Variants in TRPC5 observed in about 807,000 individuals in gnomAD.
TRPC5 encodes the protein transient receptor potential cation channel subfamily C member 5, also known as short transient receptor potential channel 5.
In TRPC5, 9 loss-of-function variants were observed where a neutral mutation model predicts 56.5. The observed-to-expected ratio is 0.16, with a 90% CI of 0.10 to 0.28. TRPC5 has a LOEUF of 0.28. TRPC5 is among the 10% of genes least tolerant of loss of function. The probability of loss-of-function intolerance (pLI) is 1.00; values close to 1 mark genes in which losing one functional copy is unlikely to be tolerated. For synonymous variants in TRPC5, 282 were observed against 278.5 expected (o/e 1.01, Z -0.13); for missense variants, 469 against 748.9 (o/e 0.63, Z 4.36).
chrX:111,944,303 T>TGTGAAAGAGA (rs1173179815), intron 2 of TRPC5, among the ~76,000 whole-genome samples: 18 of 61,389 alleles, frequency 2.9e-4, no homozygotes, highest in African/African-American at 1.9e-3. Context: ...TGTGTGTGTG[T>TGTGAAAGAGA]GAGAGAGAGA....
At chrX:112,026,565 G>A (rs766687588) in intron 1 of TRPC5, among the ~76,000 whole-genome samples, 43 of 111,898 alleles carry the variant, frequency 3.8e-4, no homozygotes, top group Non-Finnish European at 7.3e-4. Flanking sequence ...GCAAAGAAAT[G>A]CCCTAGACTC....
At chrX:111,788,481 G>A (rs922291999) in intron 7 of TRPC5, among the ~76,000 whole-genome samples, 7 of 112,062 alleles carry the variant, frequency 6.2e-5, no homozygotes, top group African/African-American at 2.3e-4. Context: ...AAAACTGGAA[G>A]CATTCCCTTT....
chrX:112,017,256 G>A (rs994197025), intron 1 of TRPC5, among the ~76,000 whole-genome samples: 3 of 110,979 alleles, frequency 2.7e-5, no homozygotes, highest in Non-Finnish European at 5.7e-5. Context: ...CTCGTGATCC[G>A]CCCGCCTTGG....
At chrX:112,069,139 C>T (rs1930656806) in intron 1 of TRPC5, among the ~76,000 whole-genome samples, 1 of 111,686 alleles carries the variant, frequency 9.0e-6, no homozygotes, top group African/African-American at 3.3e-5. Flanking sequence ...TTTAATCCTC[C>T]CAACAACTCT....
At chrX:111,994,304 A>G (rs1928454711) in intron 1 of TRPC5, among the ~76,000 whole-genome samples, 1 of 111,708 alleles carries the variant, frequency 9.0e-6, no homozygotes, top group South Asian at 3.8e-4. Flanking sequence ...TGGATACCGT[A>G]GCCTTGTAGT....
intron 3 of TRPC5, among the ~76,000 whole-genome samples, chrX:111,870,167 T>G (rs143418558): frequency 8.9e-6 from 1 of 111,918 alleles, no homozygotes; most frequent in Non-Finnish European, 1.9e-5. Flanking sequence ...AGCCCAGTGC[T>G]GGGAGGATGC....
Position 111,787,717 on chromosome X carries a change from A to G in TRPC5, c.1897-5579T>C, listed in dbSNP as rs149790038. Among the ~76,000 whole-genome samples the G allele has an allele frequency of 7.0e-3, 778 of 111,724 alleles. 4 individuals are homozygous for G. Among genetic ancestry groups the G allele is most frequent in the African/African-American group, 0.024 (744 of 30,741 alleles). ...AAGAATCAAATCGATGCAATAAAAA[A>G]CGATAAAGGGGATATCACCACTGGT... is the stretch of plus-strand genomic sequence containing the variant. On this transcript the variant is annotated intron_variant, in intron 7 of 10. Coordinates refer to ENST00000262839, the MANE Select transcript of TRPC5 (RefSeq NM_012471.3).
chrX:111,992,731 T>G (rs939476983), intron 1 of TRPC5, among the ~76,000 whole-genome samples: 9 of 108,734 alleles, frequency 8.3e-5, no homozygotes, highest in African/African-American at 3.0e-4. Flanking sequence ...GCCTCGTGAG[T>G]AGCTGGGATT....
At chrX:111,941,832 A>G (rs989786628) in intron 2 of TRPC5, among the ~76,000 whole-genome samples, 2 of 112,193 alleles carry the variant, frequency 1.8e-5, no homozygotes, top group Non-Finnish European at 3.8e-5. Flanking sequence ...CTCCTCTGGA[A>G]CAATGCAGCC....
At chrX:112,081,108 C>A (rs1037606009) in intron 1 of TRPC5, among the ~76,000 whole-genome samples, 1 of 112,075 alleles carries the variant, frequency 8.9e-6, no homozygotes, top group East Asian at 2.8e-4. Flanking sequence ...TACATGACTG[C>A]GATCCAAAGA....
intron 1 of TRPC5, among the ~76,000 whole-genome samples, chrX:111,987,900 T>C (rs770852888): frequency 1.8e-5 from 2 of 112,402 alleles, no homozygotes; most frequent in Non-Finnish European, 3.8e-5. Flanking sequence ...GCACTCTACT[T>C]TACTCATTCT....
chrX:111,983,994 T>C (rs764250011), intron 1 of TRPC5, among the ~76,000 whole-genome samples: 4 of 111,463 alleles, frequency 3.6e-5, no homozygotes, highest in Non-Finnish European at 5.6e-5. Flanking sequence ...TCACTTTTAT[T>C]TGATGATGAA....
intron 1 of TRPC5, among the ~76,000 whole-genome samples, chrX:112,033,428 A>G (rs1929640793): frequency 1.9e-5 from 2 of 106,140 alleles, no homozygotes; most frequent in Non-Finnish European, 3.9e-5. Context: ...TATTCTGCAT[A>G]CCAGATCCTT....
chrX:112,011,921 C>G (rs1314934777), intron 1 of TRPC5, among the ~76,000 whole-genome samples: 2 of 111,396 alleles, frequency 1.8e-5, no homozygotes, highest in Non-Finnish European at 3.8e-5. Flanking sequence ...TATGACAAAG[C>G]TTATAAATTA....
intron 7 of TRPC5, among the ~76,000 whole-genome samples, chrX:111,827,016 G>T (rs1015214686): frequency 1.8e-5 from 2 of 111,869 alleles, no homozygotes; most frequent in Non-Finnish European, 3.8e-5. Context: ...GTGTCAACAT[G>T]ATAGTGTAGA....
At chrX:111,968,799 G>T (rs1392030778) in intron 1 of TRPC5, among the ~76,000 whole-genome samples, 1 of 81,296 alleles carries the variant, frequency 1.2e-5, no homozygotes, top group Non-Finnish European at 2.2e-5. Flanking sequence ...CACAGGAAGG[G>T]AAACATCACA....
intron 9 of TRPC5, among the ~76,000 whole-genome samples, 177 bp from the exon 10 acceptor site, chrX:111,779,251 C>T (rs925504956): frequency 2.7e-5 from 3 of 111,708 alleles, no homozygotes; most frequent in African/African-American, 9.8e-5. Flanking sequence ...ACTATTGTGT[C>T]TCTGAATTTA....
rs191720790 is a variant in TRPC5 at position 111,900,898 on chromosome X, A to G, written c.900+11393T>C. ...TATTGAGCCAATATCTAGATTTTCA[A>G]ACAAATAATATTGCCTTACACAAAT... is the stretch of plus-strand genomic sequence containing the variant. On this transcript the variant is annotated intron_variant, in intron 3 of 10. Coordinates refer to ENST00000262839, the MANE Select transcript of TRPC5 (RefSeq NM_012471.3). 3.4e-3 allele frequency among the ~76,000 whole-genome samples: 382 copies of G among 111,863 alleles called. 2 individuals are homozygous for G. Among genetic ancestry groups the G allele is most frequent in the African/African-American group, 0.012 (373 of 30,868 alleles).
At chrX:112,054,783 C>T (rs187686725) in intron 1 of TRPC5, among the ~76,000 whole-genome samples, 114 of 111,583 alleles carry the variant, frequency 1.0e-3, no homozygotes, top group African/African-American at 3.5e-3. Flanking sequence ...CCCTCTCTCT[C>T]CATCTCCTTG....
Sources: allele counts gnomAD v4.1 joint callset (sites outside exome capture counted in the v4.1 genomes callset), GRCh38; gene constraint gnomAD v4.1.1; transcripts MANE v1.5; gene names NCBI Gene and HGNC (gene_info 2026-07-23, HGNC 2026-07-21).